The following COL28A1 variants were observed in gnomAD, a reference collection of about 807,000 sequenced individuals.
COL28A1 encodes the protein collagen alpha-1(XXVIII) chain.
A neutral mutation model predicts 150.2 loss-of-function variants in COL28A1; 161 were observed. That is an observed-to-expected ratio of 1.07 (90% CI 0.94 to 1.22). COL28A1 has a LOEUF of 1.22. Among genes scored for constraint, COL28A1 ranks in the 50% most tolerant of loss-of-function variants. The pLI is 0.00. For missense variants in COL28A1, 1,617 were observed against 1,388.3 expected (o/e 1.16, Z -2.62); for synonymous variants, 552 against 469.7 (o/e 1.18, Z -2.26).
intron 30 of COL28A1, 139 bp from the exon 31 acceptor site, chr7:7,375,636 C>T: frequency 2.0e-6 from 1 of 490,826 alleles, no homozygotes; most frequent in Non-Finnish European, 3.2e-6. Flanking sequence ...ATAAACAACA[C>T]AGAAGTCAAA....
intron 14 of COL28A1, among the ~76,000 whole-genome samples, chr7:7,476,440 G>C (rs1377010453): frequency 3.9e-5 from 6 of 152,230 alleles, no homozygotes; most frequent in African/African-American, 1.2e-4. Flanking sequence ...AGTTTTATTG[G>C]AACAGCCACA....
chr7:7,358,557 G>T lies in COL28A1; in HGVS notation c.*76C>A. On this transcript the variant is annotated 3_prime_UTR_variant, in exon 35 of 35. Coordinates refer to ENST00000399429, the MANE Select transcript of COL28A1 (RefSeq NM_001037763.3). ...TACTCAGTATACACTCAAATATAGT[G>T]CTGTATTTGTATTGGGTGAATATGT... 1 of 1,283,340 alleles carries T rather than the reference G, an allele frequency of 7.8e-7. No homozygotes were observed. The highest frequency in any genetic ancestry group is 1.1e-6 in the Non-Finnish European group (1 of 895,906). The allele number at this position is 1,283,340 out of a possible 1,614,324, so 79.5% of individuals were successfully genotyped here.
At position 7,460,222 on chromosome 7, in the gene COL28A1, C is replaced by T. The variant is rs76270771; in HGVS notation, c.1303-4110G>A. 4.6e-3 allele frequency among the ~76,000 whole-genome samples: 708 copies of T among 152,312 alleles called. 5 individuals are homozygous for T. The highest frequency in any genetic ancestry group is 0.022 in the East Asian group (115 of 5,186). On this transcript the variant is annotated intron_variant, in intron 15 of 34. Coordinates refer to ENST00000399429, the MANE Select transcript of COL28A1 (RefSeq NM_001037763.3). Reference sequence around the variant, plus strand: ...CTTCCTTCAGAGTCAACAAGCCTTGCTAAAACTCTGGATGGATTCCTGTTG... The same window carrying T: ...CTTCCTTCAGAGTCAACAAGCCTTGTTAAAACTCTGGATGGATTCCTGTTG...
At chr7:7,381,099 C>A (rs1410593586) in intron 28 of COL28A1, among the ~76,000 whole-genome samples, 1 of 152,118 alleles carries the variant, frequency 6.6e-6, no homozygotes, top group Admixed American at 6.6e-5. Context: ...AGATATAATA[C>A]CATCTAATCG....
intron 11 of COL28A1, among the ~76,000 whole-genome samples, chr7:7,501,796 G>A (rs1388221781): frequency 1.3e-5 from 2 of 152,268 alleles, no homozygotes; most frequent in Middle Eastern, 3.4e-3. Flanking sequence ...AGAGCATAGC[G>A]CTGTCTCCTG....
the COL28A1 span, among the ~76,000 whole-genome samples, chr7:7,345,364 A>G: frequency 6.6e-6 from 1 of 152,052 alleles, no homozygotes; most frequent in Non-Finnish European, 1.5e-5. Flanking sequence ...TTGGTGGCTC[A>G]GGAAATCAAA....
In COL28A1 at chr7:7,531,390, C is replaced by T. The variant is rs1782342738; in HGVS notation, c.639G>A (p.Leu213=). The T allele has an allele frequency of 1.3e-6, 2 of 1,592,056 alleles. No individual in the cohort carries two copies. The highest frequency in any genetic ancestry group is 1.7e-6 in the Non-Finnish European group (2 of 1,165,782). Residue 213 remains leucine, a synonymous_variant, in exon 3 of 35, where the codon CTG becomes CTA. Transcript: ENST00000399429. ...SGDSSSEPTL[L]LSDPTLVDKI... ...TATCTACAAGGGTTGGATCACTCAA[C>T]AGTAAAGTGGGTTCACTGGATGAAT...
chr7:7,421,717 C>T (rs1005302838), intron 25 of COL28A1, among the ~76,000 whole-genome samples: 23 of 152,196 alleles, frequency 1.5e-4, no homozygotes, highest in Admixed American at 4.6e-4. Context: ...CTTAAAAGGA[C>T]GGGGGCCACT....
At chr7:7,338,988 T>TA in the COL28A1 span, among the ~76,000 whole-genome samples, 4,407 of 152,094 alleles carry the variant, frequency 0.029, 109 homozygotes, top group Non-Finnish European at 0.046. Context: ...CCCAAGCCAA[T>TA]AAAAAAATCA....
At chr7:7,352,561 C>T (rs536684102), downstream of COL28A1, among the ~76,000 whole-genome samples, 1 of 152,274 alleles carries the variant, frequency 6.6e-6, no homozygotes, top group South Asian at 2.1e-4. Flanking sequence ...GTGAAGGACC[C>T]AACATGCTGT....
downstream of COL28A1, chr7:7,356,862 CAT>C (rs1477058704): frequency 6.6e-6 from 1 of 152,060 alleles, no homozygotes; most frequent in African/African-American, 2.4e-5. Context: ...AATTGACAAA[CAT>C]GTTGCATTAT....
At chr7:7,380,248 G>GTTGCTGC (rs1221983248) in intron 30 of COL28A1, among the ~76,000 whole-genome samples, 3 of 152,118 alleles carry the variant, frequency 2.0e-5, no homozygotes, top group African/African-American at 7.2e-5. Context: ...TCTCAATTTT[G>GTTGCTGC]TGATTGCTGC....
intron 27 of COL28A1, among the ~76,000 whole-genome samples, chr7:7,386,644 T>C (rs1227299716): frequency 6.6e-6 from 1 of 152,150 alleles, no homozygotes; most frequent in Non-Finnish European, 1.5e-5. Context: ...ATAGGACCCC[T>C]GGGAGCTGCA....
At chr7:7,530,800 A>G (rs1216143362) in intron 3 of COL28A1, among the ~76,000 whole-genome samples, 2 of 152,188 alleles carry the variant, frequency 1.3e-5, no homozygotes, top group African/African-American at 2.4e-5. Context: ...GCTTGAGAAC[A>G]TCTAAGAAAG....
chr7:7,520,024 G>C (rs761934175), intron 6 of COL28A1, 38 bp downstream of exon 6: 9 of 976,542 alleles, frequency 9.2e-6, no homozygotes, highest in Admixed American at 7.3e-5. Flanking sequence ...TCTAGAAGGA[G>C]ATACGCTGGT....
intron 21 of COL28A1, among the ~76,000 whole-genome samples, chr7:7,439,324 G>C (rs1227911796): frequency 2.0e-5 from 3 of 152,062 alleles, no homozygotes; most frequent in African/African-American, 7.2e-5. Context: ...AAACCTGGAA[G>C]GCAATGGCAC....
Position 7,378,491 on chromosome 7 carries a change from T to G in COL28A1, c.2322+2169A>C, listed in dbSNP as rs1395299667. 3.9e-5 allele frequency among the ~76,000 whole-genome samples: 6 copies of G among 152,162 alleles called. No individual in the cohort carries two copies. The South Asian group carries it at 8.3e-4, about 21-fold the overall frequency. On this transcript the variant is annotated intron_variant, in intron 30 of 34. Coordinates refer to ENST00000399429, the MANE Select transcript of COL28A1 (RefSeq NM_001037763.3). ...AGTCTTTTCAAATAATTTTATGAGA[T>G]GTATTAAAACATTTAGTGCCATCAA...
intron 15 of COL28A1, among the ~76,000 whole-genome samples, chr7:7,471,014 T>C (rs1420051536): frequency 8.8e-5 from 12 of 136,964 alleles, no homozygotes; most frequent in Non-Finnish European, 1.4e-4. Context: ...TAATGCTAGA[T>C]GACGAGTTAG....
At chr7:7,534,327 A>T (rs1236529068) in intron 1 of COL28A1, among the ~76,000 whole-genome samples, 3 of 152,224 alleles carry the variant, frequency 2.0e-5, no homozygotes, top group African/African-American at 7.2e-5. Context: ...TGTGCTAAGG[A>T]AACAGAACAC....
Sources: allele counts gnomAD v4.1 joint callset (sites outside exome capture counted in the v4.1 genomes callset), GRCh38; gene constraint gnomAD v4.1.1; transcripts MANE v1.5; gene names NCBI Gene and HGNC (gene_info 2026-07-23, HGNC 2026-07-21).